The following ENOPH1 variants were observed in gnomAD, a reference collection of about 807,000 sequenced individuals.
The protein encoded by ENOPH1 is enolase-phosphatase E1.
A neutral mutation model predicts 31.1 loss-of-function variants in ENOPH1; 14 were observed. That is an observed-to-expected ratio of 0.45 (90% confidence interval 0.30 to 0.70). The LOEUF is 0.70. Ranked by LOEUF, ENOPH1 falls within the 30% of genes least tolerant of loss-of-function variation. The pLI is 0.09. For synonymous variants in ENOPH1, 127 were observed against 123.2 expected (o/e 1.03, Z -0.21); for missense variants, 243 against 321.5 (o/e 0.76, Z 1.87).
chr4:82,432,406 G>A (rs904799765), intron 1 of ENOPH1, among the ~76,000 whole-genome samples: 4 of 152,204 alleles, frequency 2.6e-5, no homozygotes, highest in African/African-American at 9.6e-5. Context: ...GTGCAGTGGT[G>A]TGAGCTCAGC....
chr4:82,456,067 GCTCT>G lies in ENOPH1; in HGVS notation c.523-843_523-840del, dbSNP rs567050166. On this transcript the variant is annotated intron_variant, in intron 4 of 5. Coordinates refer to ENST00000273920, the MANE Select transcript of ENOPH1 (RefSeq NM_021204.5). ...TTAATACAGATACAACTTCTTTTCT[GCTCT>G]CTCTGACAATCATGACAGGACAAAA... Among the ~76,000 whole-genome samples the G allele has an allele frequency of 1.6e-4, 24 of 151,424 alleles. No individual in the cohort carries two copies. In the East Asian group the frequency reaches 4.1e-3, roughly 26 times the overall value.
At chr4:82,436,904 T>A (rs1721919522) in intron 1 of ENOPH1, among the ~76,000 whole-genome samples, 2 of 151,892 alleles carry the variant, frequency 1.3e-5, no homozygotes, top group Admixed American at 1.3e-4. Flanking sequence ...ATCGTCGTCA[T>A]CATCATCATC....
intron 5 of ENOPH1, among the ~76,000 whole-genome samples, chr4:82,457,537 G>C (rs974156929): frequency 2.6e-5 from 4 of 152,130 alleles, no homozygotes; most frequent in African/African-American, 9.7e-5. Flanking sequence ...AACTCTGGGG[G>C]TTGCATGTGG....
At chr4:82,439,342 G>C (rs1721983941) in intron 1 of ENOPH1, among the ~76,000 whole-genome samples, 1 of 152,184 alleles carries the variant, frequency 6.6e-6, no homozygotes, top group South Asian at 2.1e-4. Flanking sequence ...ATGCGGTTTG[G>C]AAACTAATGG....
chr4:82,432,179 A>C (rs1721788508), intron 1 of ENOPH1, among the ~76,000 whole-genome samples: 1 of 152,214 alleles, frequency 6.6e-6, no homozygotes, highest in South Asian at 2.1e-4. Context: ...GGCATGAGCC[A>C]AGGCGCCTGG....
intron 1 of ENOPH1, 105 bp downstream of exon 1, chr4:82,431,018 G>A: frequency 1.1e-6 from 1 of 925,516 alleles, no homozygotes. Context: ...AGGAGAGGCG[G>A]TGTGGCTGCC....
At chr4:82,452,868 G>T (rs892571581) in intron 3 of ENOPH1, among the ~76,000 whole-genome samples, 2 of 151,324 alleles carry the variant, frequency 1.3e-5, no homozygotes, top group East Asian at 3.9e-4. Flanking sequence ...GATTACAGGC[G>T]TGAGCCACTG....
chr4:82,453,518 A>G (rs1722407617), intron 3 of ENOPH1, among the ~76,000 whole-genome samples: 1 of 152,212 alleles, frequency 6.6e-6, no homozygotes, highest in African/African-American at 2.4e-5. Context: ...AAGACAGGAA[A>G]AATCCTGTCT....
intron 2 of ENOPH1, among the ~76,000 whole-genome samples, chr4:82,448,674 C>A (rs1722261509): frequency 6.6e-6 from 1 of 151,854 alleles, no homozygotes; most frequent in Non-Finnish European, 1.5e-5. Context: ...GTAATCTCAG[C>A]ACTTTGGGAG....
Position 82,430,622 on chromosome 4 carries a change from T to G in ENOPH1, c.-208T>G. On this transcript the variant is annotated 5_prime_UTR_variant, in exon 1 of 6. Transcript: ENST00000273920. ...GCTCCTGCCCCGTCCTGCTCACGAG[T>G]TCAGGGCTCCTGGGCGGCCGCCTTT... 1.8e-6 allele frequency: 1 copy of G among 563,482 alleles called. No individual in the cohort carries two copies. Among genetic ancestry groups the G allele is most frequent in the South Asian group, 2.1e-5 (1 of 47,690 alleles). The allele number at this position is 563,482 out of a possible 1,614,324, so 34.9% of individuals were successfully genotyped here.
chr4:82,432,187 T>A (rs1183111477), intron 1 of ENOPH1, among the ~76,000 whole-genome samples: 1 of 152,142 alleles, frequency 6.6e-6, no homozygotes, highest in African/African-American at 2.4e-5. Flanking sequence ...CCAAGGCGCC[T>A]GGCCTGAATG....
At chr4:82,433,575 A>G (rs1721831412) in intron 1 of ENOPH1, among the ~76,000 whole-genome samples, 2 of 152,200 alleles carry the variant, frequency 1.3e-5, no homozygotes, top group Admixed American at 1.3e-4. Flanking sequence ...ATTTTTCCTA[A>G]AAGTATGTTT....
chr4:82,442,184 A>G (rs6837779), intron 1 of ENOPH1, among the ~76,000 whole-genome samples: 16,003 of 152,196 alleles, frequency 0.11, 1,822 homozygotes, highest in African/African-American at 0.29. Flanking sequence ...CACTGGATAC[A>G]GCCTTTAATT....
intron 1 of ENOPH1, among the ~76,000 whole-genome samples, chr4:82,436,686 CAA>C (rs35557585): frequency 5.4e-4 from 60 of 110,756 alleles, no homozygotes; most frequent in Admixed American, 7.6e-4. Context: ...GACCCTGTCT[CAA>C]AAAAAAAAAA....
At chr4:82,439,304 C>G (rs548458859) in intron 1 of ENOPH1, among the ~76,000 whole-genome samples, 1 of 152,278 alleles carries the variant, frequency 6.6e-6, no homozygotes, top group East Asian at 1.9e-4. Context: ...ACCTGGTACC[C>G]CTTTACTGAG....
chr4:82,454,881 T>G, intron 4 of ENOPH1, 27 bp downstream of exon 4: 1 of 1,599,864 alleles, frequency 6.3e-7, no homozygotes, highest in Non-Finnish European at 8.5e-7. Context: ...ACTTTGTTGT[T>G]TTGACGCTAT....
chr4:82,451,505 T>C (rs1216595763), intron 3 of ENOPH1, among the ~76,000 whole-genome samples: 1 of 152,210 alleles, frequency 6.6e-6, no homozygotes, highest in Non-Finnish European at 1.5e-5. Context: ...TAAAATAGCT[T>C]CCTAGAAAAT....
At chr4:82,453,928 G>A (rs1488388314) in intron 3 of ENOPH1, among the ~76,000 whole-genome samples, 9 of 151,972 alleles carry the variant, frequency 5.9e-5, no homozygotes, top group Non-Finnish European at 7.4e-5. Context: ...AATGCAGGCC[G>A]GGTGCAGTGG....
chr4:82,460,230 T>TTTTTTA lies in ENOPH1; in HGVS notation c.*110_*111insTTTTTA. The stretch of plus-strand genomic sequence containing the variant: ...CTTAAAAAACATATGTACACATATG[T>TTTTTTA]ATGCAAGTATGTATATATGTGTATG... On this transcript the variant is annotated 3_prime_UTR_variant, in exon 6 of 6. Transcript: ENST00000273920. The TTTTTTA allele has an allele frequency of 9.1e-7, 1 of 1,103,310 alleles. No individual in the cohort carries two copies. 68.3% of individuals were successfully genotyped at this position (1,103,310 alleles called of 1,614,324 possible).
Sources: gnomAD v4.1 joint callset for allele counts (sites outside exome capture counted in the v4.1 genomes callset) on GRCh38, gnomAD v4.1.1 for gene constraint, MANE v1.5 for transcripts, NCBI Gene and HGNC (gene_info 2026-07-23, HGNC 2026-07-21) for gene names.